Variants in PTPN4 observed in about 807,000 individuals in gnomAD.
The protein encoded by PTPN4 is protein tyrosine phosphatase non-receptor type 4.
A neutral mutation model predicts 135.5 loss-of-function variants in PTPN4; 49 were observed. The ratio of observed to expected loss-of-function variants is 0.36; its 90% CI spans 0.29 to 0.46. The LOEUF (loss-of-function observed/expected upper bound fraction) is 0.46, where lower values mean the gene tolerates loss of function less well. Among genes scored for constraint, PTPN4 ranks in the 20% least tolerant of loss-of-function variants. PTPN4 has a pLI of 1.00. For synonymous variants in PTPN4, 333 were observed against 369.9 expected (o/e 0.90, Z 1.14); for missense variants, 860 against 1,101.0 (o/e 0.78, Z 3.10).
At chr2:119,870,506 TC>T (rs1225064288) in intron 3 of PTPN4, among the ~76,000 whole-genome samples, 2 of 152,138 alleles carry the variant, frequency 1.3e-5, no homozygotes, top group Non-Finnish European at 1.5e-5. Flanking sequence ...CTCAACTTCC[TC>T]TGGAAGAGAA....
chr2:119,975,882 G>T (rs1679608010), intron 26 of PTPN4, among the ~76,000 whole-genome samples: 1 of 152,012 alleles, frequency 6.6e-6, no homozygotes. Flanking sequence ...ATCTAAAAAG[G>T]AAGGTATATT....
intron 9 of PTPN4, among the ~76,000 whole-genome samples, chr2:119,888,613 G>C (rs916507918): frequency 6.6e-6 from 1 of 152,006 alleles, no homozygotes; most frequent in East Asian, 1.9e-4. Flanking sequence ...TTCTGTTCTT[G>C]TGATATATCA....
chr2:119,862,548 G>T lies in PTPN4; in HGVS notation c.151G>T (p.Gly51Trp). The change falls in exon 3 of 27, where the codon GGG becomes TGG. Residue 51 changes from glycine to tryptophan, a missense_variant. This residue lies in a region of PTPN4 where 684 missense variants were observed against 807.0 expected (regional missense o/e 0.85). Coordinates refer to ENST00000263708, the MANE Select transcript of PTPN4 (RefSeq NM_002830.4). ...QAFKVNKHDQ[G>W]QVLLDVVFKH... ...TTTTTTTTTACAGAAACATGATCAG[G>T]GGCAAGTCTTGTTGGATGTCGTCTT... 1 of 1,609,018 alleles carries T rather than the reference G, an allele frequency of 6.2e-7. No individual in the cohort carries two copies. The highest frequency in any genetic ancestry group is 8.5e-7 in the Non-Finnish European group (1 of 1,177,768).
At chr2:119,945,691 A>G (rs1679122864) in intron 16 of PTPN4, among the ~76,000 whole-genome samples, 1 of 152,158 alleles carries the variant, frequency 6.6e-6, no homozygotes, top group Non-Finnish European at 1.5e-5. Context: ...GATTTCATAT[A>G]TGTGAAATAT....
At chr2:119,921,620 CT>C (rs35311873) in intron 12 of PTPN4, among the ~76,000 whole-genome samples, 4,348 of 144,234 alleles carry the variant, frequency 0.03, 83 homozygotes, top group African/African-American at 0.074. Context: ...CGTTTAACTC[CT>C]TTTTTTTTTT....
At chr2:119,915,912 T>A (rs1032487264) in intron 11 of PTPN4, 5 of 152,104 alleles carry the variant, frequency 3.3e-5, no homozygotes, top group East Asian at 1.9e-4. Flanking sequence ...TCTTTGGGGC[T>A]GTCCTCAGTG....
At chr2:119,920,670 A>T (rs1678724023) in intron 12 of PTPN4, among the ~76,000 whole-genome samples, 1 of 152,186 alleles carries the variant, frequency 6.6e-6, no homozygotes, top group African/African-American at 2.4e-5. Context: ...CCTTTATTGT[A>T]AAGTGTTTAA....
chr2:119,963,024 A>G (rs1574423523), intron 24 of PTPN4, among the ~76,000 whole-genome samples: 1 of 152,218 alleles, frequency 6.6e-6, no homozygotes, highest in Non-Finnish European at 1.5e-5. Flanking sequence ...CTTATTCAGA[A>G]CAACTGTTTA....
chr2:119,844,845 C>T (rs956127828), intron 2 of PTPN4, among the ~76,000 whole-genome samples: 4 of 147,016 alleles, frequency 2.7e-5, no homozygotes, highest in African/African-American at 1.0e-4. Context: ...ACTTCCCAGA[C>T]GGTGTGGCAG....
chr2:119,842,573 A>T (rs1406922818), intron 2 of PTPN4, among the ~76,000 whole-genome samples: 1 of 152,256 alleles, frequency 6.6e-6, no homozygotes, highest in Non-Finnish European at 1.5e-5. Flanking sequence ...AGGTGGACTC[A>T]TGATATAATA....
chr2:119,909,274 CTT>C (rs1156373641), intron 10 of PTPN4, among the ~76,000 whole-genome samples: 1 of 152,164 alleles, frequency 6.6e-6, no homozygotes, highest in Non-Finnish European at 1.5e-5. Flanking sequence ...GACTGACTCT[CTT>C]GTTGCGGAAT....
chr2:119,760,044 A>C lies in PTPN4; in HGVS notation c.-358A>C. Reference sequence around the variant, plus strand: ...GGAATTGGGCCTGAGCGGGAGAGGAAAGAGACTTGGCTTTGGCCGCGGGGT... The same window carrying C: ...GGAATTGGGCCTGAGCGGGAGAGGACAGAGACTTGGCTTTGGCCGCGGGGT... On this transcript the variant is annotated 5_prime_UTR_variant, in exon 1 of 27. Transcript: ENST00000263708. 1 of 382,264 alleles carries C rather than the reference A, an allele frequency of 2.6e-6. No homozygotes were observed. The highest frequency in any genetic ancestry group is 4.6e-6 in the Non-Finnish European group (1 of 215,990). The allele number at this position is 382,264 out of a possible 1,614,324, so 23.7% of individuals were successfully genotyped here. A position where few individuals can be genotyped will look rare whatever the true frequency, so the allele number is the denominator to read the frequency against.
intron 26 of PTPN4, among the ~76,000 whole-genome samples, chr2:119,969,870 ATAT>A (rs1292600092): frequency 6.6e-6 from 1 of 151,740 alleles, no homozygotes; most frequent in Non-Finnish European, 1.5e-5. Context: ...CAATTTGTTA[ATAT>A]TATCAAATTG....
intron 12 of PTPN4, among the ~76,000 whole-genome samples, chr2:119,926,361 G>A (rs1678824934): frequency 6.6e-6 from 1 of 152,138 alleles, no homozygotes; most frequent in Admixed American, 6.6e-5. Context: ...GAGCTGTTCT[G>A]TGTCTGGACA....
intron 2 of PTPN4, among the ~76,000 whole-genome samples, chr2:119,827,897 T>G (rs1677167569): frequency 6.6e-6 from 1 of 152,204 alleles, no homozygotes; most frequent in Non-Finnish European, 1.5e-5. Context: ...TGGTAGCTAG[T>G]GTCAATAGAT....
intron 11 of PTPN4, among the ~76,000 whole-genome samples, chr2:119,919,762 T>C (rs1285094399): frequency 1.4e-5 from 2 of 146,516 alleles, no homozygotes; most frequent in East Asian, 4.0e-4. Flanking sequence ...AGGTGGAGGT[T>C]GCAGTGAGCC....
intron 2 of PTPN4, among the ~76,000 whole-genome samples, chr2:119,831,261 C>T (rs969725135): frequency 5.9e-5 from 9 of 152,304 alleles, no homozygotes; most frequent in Admixed American, 5.9e-4. Flanking sequence ...CTCTCCCGCC[C>T]ATCGCTCACC....
rs912062048 is a variant in PTPN4, at chr2:119,871,715, GA to G, written c.247-5599del. 3.0e-4 allele frequency among the ~76,000 whole-genome samples: 45 copies of G among 149,694 alleles called. No homozygotes were observed. In the East Asian group the frequency reaches 7.8e-3, roughly 26 times the overall value. On this transcript the variant is annotated intron_variant, in intron 3 of 26. Coordinates refer to ENST00000263708, the MANE Select transcript of PTPN4 (RefSeq NM_002830.4). ...TGTATGTGTGTGAGAAAGAGAGAGA[GA>G]AAAAAAAAGCTTGAATGTTTTATAT...
At chr2:119,882,372 C>T in intron 7 of PTPN4, 131 bp from the exon 8 acceptor site, 1 of 1,078,192 alleles carries the variant, frequency 9.3e-7, no homozygotes, top group Non-Finnish European at 1.3e-6. Context: ...ATTGCTGTGG[C>T]TTGCTTAAGT....
Sources: allele counts gnomAD v4.1 joint callset (sites outside exome capture counted in the v4.1 genomes callset), GRCh38; gene constraint gnomAD v4.1.1; regional missense constraint gnomAD v4.1.1; transcripts MANE v1.5; gene names NCBI Gene and HGNC (gene_info 2026-07-23, HGNC 2026-07-21).